ARHGAP26: variants seen among roughly 807,000 people sequenced by gnomAD.
ARHGAP26 encodes rho GTPase-activating protein 26.
ARHGAP26 carries 38 observed loss-of-function variants against 104.8 expected under a neutral mutation model. The observed-to-expected ratio is 0.36, with a 90% CI of 0.28 to 0.48. ARHGAP26 has a LOEUF of 0.48. Among genes scored for constraint, ARHGAP26 ranks in the 20% least tolerant of loss-of-function variants. ARHGAP26 has a pLI of 0.99. For missense variants in ARHGAP26, 704 were observed against 947.9 expected, an observed-to-expected ratio of 0.74 and a Z score of 3.38; for synonymous variants, 341 against 340.0, an observed-to-expected ratio of 1.00 and a Z score of -0.03.
chr5:142,926,978 G>T (rs1428617103), intron 10 of ARHGAP26, among the ~76,000 whole-genome samples: 1 of 152,038 alleles, frequency 6.6e-6, no homozygotes, highest in African/African-American at 2.4e-5. Context: ...TCCTGGTAAC[G>T]CTGGGAGACA....
intron 10 of ARHGAP26, among the ~76,000 whole-genome samples, chr5:142,914,194 G>A (rs537388533): frequency 6.6e-6 from 1 of 152,358 alleles, no homozygotes; most frequent in African/African-American, 2.4e-5. Flanking sequence ...ACTGCCTGGG[G>A]TTGCACTGCC....
chr5:142,928,919 TTCCTCATTCCATATTA>T (rs1764313356), intron 10 of ARHGAP26, among the ~76,000 whole-genome samples: 2 of 152,210 alleles, frequency 1.3e-5, no homozygotes, highest in South Asian at 4.1e-4. Flanking sequence ...ATATGTTCCC[TTCCTCATTCCATATTA>T]TCCTCCTTCT....
intron 20 of ARHGAP26, among the ~76,000 whole-genome samples, chr5:143,197,309 T>C (rs1425873870): frequency 3.3e-5 from 5 of 152,168 alleles, no homozygotes; most frequent in African/African-American, 4.8e-5. Flanking sequence ...TTGAAAATGA[T>C]TGTAGCAATT....
At chr5:143,180,758 C>G (rs1278294401) in intron 20 of ARHGAP26, among the ~76,000 whole-genome samples, 1 of 152,192 alleles carries the variant, frequency 6.6e-6, no homozygotes, top group South Asian at 2.1e-4. Flanking sequence ...CCACCAGTCT[C>G]TCCCTAGACA....
intron 20 of ARHGAP26, among the ~76,000 whole-genome samples, chr5:143,173,988 CAG>C (rs112414594): frequency 2.0e-4 from 31 of 152,336 alleles, no homozygotes; most frequent in African/African-American, 7.0e-4. Flanking sequence ...AGCATCAAAA[CAG>C]AGAAGTGTTG....
At chr5:143,195,599 T>A (rs537396384) in intron 20 of ARHGAP26, among the ~76,000 whole-genome samples, 1 of 152,264 alleles carries the variant, frequency 6.6e-6, no homozygotes, top group Admixed American at 6.5e-5. Context: ...ATTGATTTAC[T>A]GTAATAAGTT....
chr5:143,082,774 T>C (rs893440853), intron 17 of ARHGAP26, among the ~76,000 whole-genome samples: 10 of 152,258 alleles, frequency 6.6e-5, no homozygotes, highest in Non-Finnish European at 1.3e-4. Flanking sequence ...TAAAGTATTT[T>C]ATTTCTCTTT....
intron 1 of ARHGAP26, among the ~76,000 whole-genome samples, chr5:142,802,978 A>G (rs370479442): frequency 6.6e-6 from 1 of 152,226 alleles, no homozygotes; most frequent in Non-Finnish European, 1.5e-5. Context: ...TTTTGGGGCC[A>G]TGCAGGGCCA....
rs140849632 is a variant in ARHGAP26 at position 143,098,214 on chromosome 5, T to G, written c.1539-22774T>G. Among the ~76,000 whole-genome samples the G allele has an allele frequency of 2.3e-3, 346 of 152,342 alleles. 1 individual carries two copies. The highest frequency in any genetic ancestry group is 0.01 in the Middle Eastern group (3 of 294). On this transcript the variant is annotated intron_variant, in intron 17 of 22. Transcript: ENST00000645722. ...CATATTTGACCATAAGTTCTAATGT[T>G]AGGGTTCAGACCATGTATTCTTCTT...
At chr5:143,212,096 A>G (rs1202059125) in intron 21 of ARHGAP26, among the ~76,000 whole-genome samples, 1 of 152,126 alleles carries the variant, frequency 6.6e-6, no homozygotes, top group East Asian at 1.9e-4. Flanking sequence ...CTTTCCTCAG[A>G]TGCTGTTTCC....
intron 1 of ARHGAP26, among the ~76,000 whole-genome samples, chr5:142,792,625 A>G (rs1323313042): frequency 6.6e-6 from 1 of 152,142 alleles, no homozygotes; most frequent in Non-Finnish European, 1.5e-5. Context: ...AAATGTAGAA[A>G]TCTCTATCCC....
At chr5:143,008,002 A>G (rs1300660521) in intron 11 of ARHGAP26, among the ~76,000 whole-genome samples, 1 of 152,190 alleles carries the variant, frequency 6.6e-6, no homozygotes, top group African/African-American at 2.4e-5. Flanking sequence ...CCCATAGGGG[A>G]TACATTTCCA....
At chr5:143,098,734 G>GT (rs1362758277) in intron 17 of ARHGAP26, among the ~76,000 whole-genome samples, 2 of 152,120 alleles carry the variant, frequency 1.3e-5, no homozygotes, top group Non-Finnish European at 2.9e-5. Flanking sequence ...CCGAGCCTCA[G>GT]TTTTTTCATC....
intron 17 of ARHGAP26, among the ~76,000 whole-genome samples, chr5:143,082,220 T>G (rs1351082994): frequency 6.6e-6 from 1 of 152,108 alleles, no homozygotes; most frequent in Non-Finnish European, 1.5e-5. Context: ...TTGACACTTG[T>G]CCCACCCCCC....
chr5:142,965,685 G>A (rs1248554795), intron 11 of ARHGAP26, among the ~76,000 whole-genome samples: 1 of 152,208 alleles, frequency 6.6e-6, no homozygotes, highest in African/African-American at 2.4e-5. Flanking sequence ...ATCTACATCT[G>A]GTATAACTAT....
chr5:142,831,382 T>C (rs181876431), intron 1 of ARHGAP26, among the ~76,000 whole-genome samples: 1 of 152,256 alleles, frequency 6.6e-6, no homozygotes, highest in Non-Finnish European at 1.5e-5. Flanking sequence ...TTTGGTCTCC[T>C]TTTTTCTCCT....
chr5:143,024,515 ACC>A (rs774700495), intron 12 of ARHGAP26, among the ~76,000 whole-genome samples: 50 of 152,056 alleles, frequency 3.3e-4, no homozygotes, highest in African/African-American at 1.2e-3. Context: ...TACATCTTTA[ACC>A]CCTAAAGCCC....
chr5:142,907,457 A>ATG (rs1761252184), intron 8 of ARHGAP26: 1 of 245,892 alleles, frequency 4.1e-6, no homozygotes, highest in Non-Finnish European at 8.0e-6. Context: ...GACCCACTGG[A>ATG]TGTAGCATCA....
intron 11 of ARHGAP26, among the ~76,000 whole-genome samples, chr5:142,966,320 G>A (rs966890793): frequency 6.6e-6 from 1 of 152,040 alleles, no homozygotes; most frequent in African/African-American, 2.4e-5. Flanking sequence ...TCCCCAATAG[G>A]GTTCAACTTT....
Sources: gnomAD v4.1 joint callset for allele counts (sites outside exome capture counted in the v4.1 genomes callset) on GRCh38, gnomAD v4.1.1 for gene constraint, MANE v1.5 for transcripts, NCBI Gene and HGNC (gene_info 2026-07-23, HGNC 2026-07-21) for gene names.